Variants in IFFO2 observed in about 807,000 individuals in gnomAD.
IFFO2 encodes the protein intermediate filament family orphan 2.
IFFO2 carries 19 observed loss-of-function variants against 53.5 expected under a neutral mutation model. The ratio of observed to expected loss-of-function variants is 0.36; its 90% CI spans 0.25 to 0.52. The LOEUF is 0.52. Ranked by LOEUF, IFFO2 falls within the 20% of genes least tolerant of loss-of-function variation. IFFO2 has a pLI of 0.94. For missense variants in IFFO2, 570 were observed against 727.4 expected, an observed-to-expected ratio of 0.78 and a Z score of 2.49; for synonymous variants, 303 against 313.6, an observed-to-expected ratio of 0.97 and a Z score of 0.36.
chr1:18,943,588 C>T (rs1936547383), intron 1 of IFFO2, among the ~76,000 whole-genome samples: 1 of 152,150 alleles, frequency 6.6e-6, no homozygotes, highest in South Asian at 2.1e-4. Flanking sequence ...ACAGGGCAGC[C>T]TTTCCTGAAT....
At position 18,908,144 on chromosome 1, in the gene IFFO2, G is replaced by A. The variant is rs1217162664; in HGVS notation, c.*417C>T. The A allele has an allele frequency of 9.3e-5, 20 of 214,242 alleles. No individual in the cohort carries two copies. Among genetic ancestry groups the A allele is most frequent in the Non-Finnish European group, 9.7e-6 (1 of 103,188 alleles). 13.3% of individuals were successfully genotyped at this position (214,242 alleles called of 1,614,324 possible). ...CCCATGGCCAATCAGAGGAGCAGGT[G>A]GGACGGACGGCAGAAACCACATTAC... is the stretch of plus-strand genomic sequence containing the variant. On this transcript the variant is annotated 3_prime_UTR_variant, in exon 9 of 9. Coordinates refer to ENST00000455833, the MANE Select transcript of IFFO2 (RefSeq NM_001136265.2).
intron 5 of IFFO2, among the ~76,000 whole-genome samples, chr1:18,913,825 T>TG (rs914349823): frequency 2.2e-4 from 9 of 41,632 alleles, no homozygotes; most frequent in Non-Finnish European, 4.5e-4. Context: ...TTGTTGTTGT[T>TG]TTTTTGTTTG....
chr1:18,939,550 G>A (rs1481655855), intron 1 of IFFO2, among the ~76,000 whole-genome samples: 1 of 152,216 alleles, frequency 6.6e-6, no homozygotes, highest in African/African-American at 2.4e-5. Context: ...AAAGGAATGT[G>A]CCTCCCTCCC....
At chr1:18,924,412 A>AGGGT (rs1936254467) in intron 1 of IFFO2, among the ~76,000 whole-genome samples, 1 of 152,144 alleles carries the variant, frequency 6.6e-6, no homozygotes, top group Non-Finnish European at 1.5e-5. Context: ...TTCAGTGGGG[A>AGGGT]GGGTGTTTCA....
At chr1:18,937,736 T>C (rs548658207) in intron 1 of IFFO2, among the ~76,000 whole-genome samples, 2 of 152,288 alleles carry the variant, frequency 1.3e-5, no homozygotes, top group East Asian at 3.9e-4. Context: ...ATAACAGCAT[T>C]ATGGAGGCTC....
Position 18,956,307 on chromosome 1 carries a change from T to G in IFFO2, c.26A>C (p.Glu9Ala). Reference protein sequence around the residue: MVNSLLFGEMALAFGCPPG... With the variant: MVNSLLFGAMALAFGCPPG... ...CGGGCAGCCGAAGGCCAAGGCCATC[T>G]CCCCGAACAGCAGCGAGTTCACCAT... The change falls in exon 1 of 9, where the codon GAG becomes GCG. Residue 9 changes from glutamate (E) to alanine (A), a missense_variant. Physicochemically the swap from Glu to Ala is moderately radical, Grantham distance 107. Coordinates refer to ENST00000455833, the MANE Select transcript of IFFO2 (RefSeq NM_001136265.2). This position sits in a 1 kb window ranked among gnomAD's most constrained non-coding sequence, Gnocchi z 6.4. The G allele has an allele frequency of 2.1e-6, 1 of 473,530 alleles. No individual in the cohort carries two copies. Among genetic ancestry groups the G allele is most frequent in the Non-Finnish European group, 3.0e-6 (1 of 333,850 alleles). 29.3% of individuals were successfully genotyped at this position (473,530 alleles called of 1,614,324 possible).
At chr1:18,924,443 C>T (rs972953062) in intron 1 of IFFO2, among the ~76,000 whole-genome samples, 1 of 152,196 alleles carries the variant, frequency 6.6e-6, no homozygotes, top group Non-Finnish European at 1.5e-5. Flanking sequence ...CCAACAGAAA[C>T]AAAGAGGGCA....
chr1:18,935,971 T>C (rs1478674469), intron 1 of IFFO2, among the ~76,000 whole-genome samples: 1 of 149,724 alleles, frequency 6.7e-6, no homozygotes, highest in Non-Finnish European at 1.5e-5. Flanking sequence ...ACTCCCAAAG[T>C]GCTGGCATTA....
chr1:18,950,288 G>A (rs1936644086), intron 1 of IFFO2, among the ~76,000 whole-genome samples: 1 of 152,206 alleles, frequency 6.6e-6, no homozygotes, highest in African/African-American at 2.4e-5. Flanking sequence ...AAATGGACTT[G>A]TTAGGCAGTC....
intron 5 of IFFO2, among the ~76,000 whole-genome samples, chr1:18,915,607 G>A (rs555335716): frequency 6.6e-6 from 1 of 152,084 alleles, no homozygotes; most frequent in East Asian, 1.9e-4. Flanking sequence ...TACTAGCTGA[G>A]TGGTGTTACC....
rs764150046 is a variant in IFFO2 at position 18,917,721 on chromosome 1, G to A, written c.963+641C>T. Reference sequence around the variant, plus strand: ...ACCCGAAACTCAAGAAGCAGCCTTCGGAGAATGACATGTGCCTCATTCGGC... The same window carrying A: ...ACCCGAAACTCAAGAAGCAGCCTTCAGAGAATGACATGTGCCTCATTCGGC... On this transcript the variant is annotated intron_variant, in intron 4 of 8. Transcript: ENST00000455833. This position sits in a 1 kb window ranked among gnomAD's most constrained non-coding sequence, Gnocchi z 5.9. 3.9e-4 allele frequency among the ~76,000 whole-genome samples: 60 copies of A among 152,184 alleles called. No individual in the cohort carries two copies. Among genetic ancestry groups the A allele is most frequent in the Non-Finnish European group, 2.1e-4 (14 of 68,032 alleles).
At chr1:18,937,052 A>T (rs941547588) in intron 1 of IFFO2, among the ~76,000 whole-genome samples, 1 of 151,726 alleles carries the variant, frequency 6.6e-6, no homozygotes, top group African/African-American at 2.4e-5. Flanking sequence ...CAGAGGTGGG[A>T]GGTGATATGT....
In IFFO2 at chr1:18,937,944, C is replaced by T. The variant is rs138283351; in HGVS notation, c.666-16823G>A. Among the ~76,000 whole-genome samples the T allele has an allele frequency of 8.5e-5, 13 of 152,388 alleles. 1 individual carries two copies. In the East Asian group the frequency reaches 1.3e-3, roughly 16 times the overall value. ...GCCTCTCTTCTCAACTCCAACCCAG[C>T]GGGGGCTCTCTTCCCCCTGAGATTT... is the stretch of plus-strand genomic sequence containing the variant. On this transcript the variant is annotated intron_variant, in intron 1 of 8. Coordinates refer to ENST00000455833, the MANE Select transcript of IFFO2 (RefSeq NM_001136265.2).
At chr1:18,954,698 G>A (rs1936701655) in intron 1 of IFFO2, among the ~76,000 whole-genome samples, 3 of 152,220 alleles carry the variant, frequency 2.0e-5, no homozygotes, top group Non-Finnish European at 2.9e-5. Context: ...TTATCGGAAA[G>A]CCAAGCAGAC....
Position 18,919,614 on chromosome 1 carries a change from G to T in IFFO2, c.822+64C>A. The T allele has an allele frequency of 9.1e-7, 1 of 1,101,320 alleles. No individual in the cohort carries two copies. The highest frequency in any genetic ancestry group is 1.4e-6 in the Non-Finnish European group (1 of 736,660). The allele number at this position is 1,101,320 out of a possible 1,614,324, so 68.2% of individuals were successfully genotyped here. A position where few individuals can be genotyped will look rare whatever the true frequency, so the allele number is the denominator to read the frequency against. ...CGAGCCCCGGAGCCTCGGAGGGAAT[G>T]AAGCATTTTGCATGATGGGTGTGGG... On this transcript the variant is annotated intron_variant, in intron 3 of 8. Coordinates refer to ENST00000455833, the MANE Select transcript of IFFO2 (RefSeq NM_001136265.2). The surrounding 1 kb of genome is among the most constrained non-coding windows in gnomAD (Gnocchi z 4.9).
At chr1:18,930,911 C>G (rs779967541) in intron 1 of IFFO2, among the ~76,000 whole-genome samples, 1 of 152,196 alleles carries the variant, frequency 6.6e-6, no homozygotes, top group Non-Finnish European at 1.5e-5. Flanking sequence ...TGGCTCACGG[C>G]TGTAATCCCA....
intron 1 of IFFO2, among the ~76,000 whole-genome samples, chr1:18,944,198 G>A (rs1286044541): frequency 6.6e-6 from 1 of 152,210 alleles, no homozygotes; most frequent in Non-Finnish European, 1.5e-5. Flanking sequence ...CTACAGAATG[G>A]CTGAAGGTCG....
chr1:18,949,886 G>A (rs1936638294), intron 1 of IFFO2, among the ~76,000 whole-genome samples: 1 of 152,232 alleles, frequency 6.6e-6, no homozygotes, highest in African/African-American at 2.4e-5. Flanking sequence ...GCAAAGCCCC[G>A]CCTCGCATTC....
In IFFO2 at chr1:18,905,247, A is replaced by G. The variant is rs1265559551; in HGVS notation, c.*3314T>C. The G allele has an allele frequency of 2.0e-5, 3 of 150,602 alleles. No homozygotes were observed. The highest frequency in any genetic ancestry group is 7.4e-5 in the African/African-American group (3 of 40,742). 9.3% of individuals were successfully genotyped at this position (150,602 alleles called of 1,614,324 possible). On this transcript the variant is annotated 3_prime_UTR_variant, in exon 9 of 9. Transcript: ENST00000455833. ...GAGAATGGGGTGAAGTGGGACCTAC[A>G]CTCTGCTGAAGCTGCTCATGGGTGT... is the stretch of plus-strand genomic sequence containing the variant.
Sources: gnomAD v4.1 joint callset for allele counts (sites outside exome capture counted in the v4.1 genomes callset) on GRCh38, gnomAD v4.1.1 for gene constraint, Gnocchi (gnomAD v3.1) non-coding constraint, MANE v1.5 for transcripts, NCBI Gene and HGNC (gene_info 2026-07-23, HGNC 2026-07-21) for gene names.